Variants in SYCP1 observed in about 807,000 individuals in gnomAD.
SYCP1 encodes cancer/testis antigen 8.
In SYCP1, 64 loss-of-function variants were observed where a neutral mutation model predicts 153.1. The ratio of observed to expected loss-of-function variants is 0.42; its 90% CI spans 0.34 to 0.51. The LOEUF (loss-of-function observed/expected upper bound fraction) is 0.51. SYCP1 is among the 20% of genes least tolerant of loss of function. SYCP1 has a pLI of 0.06. For missense variants in SYCP1, 997 were observed against 1,049.0 expected, an observed-to-expected ratio of 0.95 and a Z score of 0.68; for synonymous variants, 384 against 341.8, an observed-to-expected ratio of 1.12 and a Z score of -1.36.
At position 114,857,338 on chromosome 1, in the gene SYCP1, C is replaced by T. The variant is rs184217949; in HGVS notation, c.237+63C>T. 2.8e-3 allele frequency: 4,378 copies of T among 1,552,736 alleles called. 8 individuals carry two copies. The highest frequency in any genetic ancestry group is 3.2e-3 in the Non-Finnish European group (3,696 of 1,142,066). Reference sequence around the variant, plus strand: ...AGGTAATGAACTGCTTATTTGAAGACGAAAAAAGTCTTTAGTTATTGCATT... The same window carrying T: ...AGGTAATGAACTGCTTATTTGAAGATGAAAAAAGTCTTTAGTTATTGCATT... On this transcript the variant is annotated intron_variant, in intron 4 of 31. Transcript: ENST00000369522.
intron 28 of SYCP1, 132 bp downstream of exon 28, chr1:114,977,748 T>C (rs2101935826): frequency 5.0e-6 from 3 of 594,300 alleles, no homozygotes; most frequent in East Asian, 3.6e-5. Context: ...TCTAAATTGT[T>C]TCTTGCTATT....
rs773931320 is a variant in SYCP1, at chr1:114,981,374, T to C, written c.2421T>C (p.Tyr807=). ...TTTTATTGGAAACACCTGAAATTTATTGGAAATTGGATTCTAAAGCAGTTC... is the reference window on the plus strand; with the variant it reads ...TTTTATTGGAAACACCTGAAATTTACTGGAAATTGGATTCTAAAGCAGTTC... ...QTFLLETPEI[Y]WKLDSKAVPS... is the part of the protein sequence containing the mutation. Residue 807 remains tyrosine, a synonymous_variant, in exon 29 of 32, where the codon TAT becomes TAC. Coordinates refer to ENST00000369522, the MANE Select transcript of SYCP1 (RefSeq NM_003176.4). The C allele has an allele frequency of 1.3e-5, 21 of 1,602,240 alleles. No individual in the cohort carries two copies. The highest frequency in any genetic ancestry group is 1.8e-5 in the Admixed American group (1 of 57,142).
At chr1:114,875,511 G>C (rs936468423) in intron 9 of SYCP1, among the ~76,000 whole-genome samples, 1 of 151,840 alleles carries the variant, frequency 6.6e-6, no homozygotes, top group African/African-American at 2.4e-5. Context: ...CGCCCGCCTC[G>C]GCCTCCCAAA....
intron 29 of SYCP1, among the ~76,000 whole-genome samples, chr1:114,983,820 A>G (rs1426939661): frequency 6.6e-6 from 1 of 151,984 alleles, no homozygotes. Context: ...TTTTACCAAT[A>G]TTTTTATGGC....
chr1:114,918,220 GT>G (rs1300399971), intron 20 of SYCP1, among the ~76,000 whole-genome samples: 1 of 151,948 alleles, frequency 6.6e-6, no homozygotes, highest in Non-Finnish European at 1.5e-5. Flanking sequence ...TGGATATCCA[GT>G]TTTCCCAGCA....
intron 8 of SYCP1, among the ~76,000 whole-genome samples, chr1:114,866,401 T>A (rs777209268): frequency 1.4e-4 from 21 of 152,182 alleles, no homozygotes; most frequent in Non-Finnish European, 2.8e-4. Flanking sequence ...TGATATCTCT[T>A]TGTTGTTCTA....
intron 16 of SYCP1, among the ~76,000 whole-genome samples, chr1:114,900,466 AG>A (rs1219309607): frequency 2.0e-5 from 3 of 152,116 alleles, no homozygotes; most frequent in Admixed American, 2.0e-4. Context: ...TTTTTTGTAG[AG>A]ATGGGATTTT....
At position 114,995,056 on chromosome 1, in the gene SYCP1, G is replaced by A. The variant is rs778347540; in HGVS notation, c.*37G>A. 37 of 1,530,348 alleles carry A rather than the reference G, an allele frequency of 2.4e-5. No individual in the cohort carries two copies. The highest frequency in any genetic ancestry group is 2.4e-4 in the Middle Eastern group (1 of 4,210). 94.8% of individuals were successfully genotyped at this position (1,530,348 alleles called of 1,614,324 possible). On this transcript the variant is annotated 3_prime_UTR_variant, in exon 32 of 32. Transcript: ENST00000369522. Reference sequence around the variant, plus strand: ...CAGTGTAGTTAAGGAGCCTAATAACGTGAAACTTATAGTTAATATTTTGTT... The same window carrying A: ...CAGTGTAGTTAAGGAGCCTAATAACATGAAACTTATAGTTAATATTTTGTT...
At chr1:114,878,277 A>G (rs1665679774) in intron 12 of SYCP1, 75 bp downstream of exon 12, 3 of 1,056,518 alleles carry the variant, frequency 2.8e-6, no homozygotes, top group African/African-American at 1.6e-5. Context: ...GACTTTCATT[A>G]CAAGTTTGTT....
At chr1:114,873,311 T>C (rs765053928) in intron 8 of SYCP1, among the ~76,000 whole-genome samples, 8 of 152,092 alleles carry the variant, frequency 5.3e-5, no homozygotes, top group Non-Finnish European at 1.0e-4. Flanking sequence ...AGACCTATGG[T>C]TAGGTCTCAG....
intron 23 of SYCP1, among the ~76,000 whole-genome samples, chr1:114,943,427 G>A (rs562617707): frequency 6.6e-6 from 1 of 151,762 alleles, no homozygotes; most frequent in Non-Finnish European, 1.5e-5. Context: ...TGAAAGAACT[G>A]TATTTTTACA....
intron 3 of SYCP1, 76 bp from the exon 4 acceptor site, chr1:114,857,156 A>AAAAAAAAAGAG: frequency 1.1e-6 from 1 of 919,340 alleles, no homozygotes; most frequent in Non-Finnish European, 1.5e-6. Flanking sequence ...AAAAAAAAAA[A>AAAAAAAAAGAG]AGAGAAAAAA....
chr1:114,943,230 G>A (rs544133616), intron 23 of SYCP1, among the ~76,000 whole-genome samples: 106 of 151,844 alleles, frequency 7.0e-4, no homozygotes, highest in Middle Eastern at 3.4e-3. Flanking sequence ...CCTATGACCC[G>A]GCAATTCCAA....
chr1:114,865,226 T>C (rs892264717), intron 8 of SYCP1, among the ~76,000 whole-genome samples: 5 of 152,194 alleles, frequency 3.3e-5, no homozygotes, highest in Non-Finnish European at 7.3e-5. Context: ...TCTGTGATTT[T>C]TTTTTTGCCA....
intron 8 of SYCP1, among the ~76,000 whole-genome samples, chr1:114,868,352 G>A (rs185621616): frequency 6.6e-6 from 1 of 152,190 alleles, no homozygotes; most frequent in Admixed American, 6.5e-5. Context: ...TGTTGCCCAG[G>A]CTAGTCTCAA....
intron 27 of SYCP1, among the ~76,000 whole-genome samples, chr1:114,976,917 C>T (rs75902511): frequency 0.03 from 4,527 of 151,804 alleles, 113 homozygotes; most frequent in Non-Finnish European, 0.041. Flanking sequence ...TTTTTACTTT[C>T]TAAGACCTCT....
Position 114,878,892 on chromosome 1 carries a change from T to A in SYCP1, c.910+690T>A, listed in dbSNP as rs1665723835. ...TCATATGGGAGCATGATGGAGAGAG[T>A]TACTAATTTTTCCCAGAGAGAGACC... On this transcript the variant is annotated intron_variant, in intron 12 of 31. Coordinates refer to ENST00000369522, the MANE Select transcript of SYCP1 (RefSeq NM_003176.4). Among the ~76,000 whole-genome samples, 4 of 152,252 alleles carry A rather than the reference T, an allele frequency of 2.6e-5. No homozygotes were observed. In the South Asian group the frequency reaches 8.3e-4, roughly 32 times the overall value.
Position 114,855,528 on chromosome 1 carries a change from G to A in SYCP1, c.64G>A (p.Ala22Thr). 1 of 1,611,344 alleles carries A rather than the reference G, an allele frequency of 6.2e-7. No individual in the cohort carries two copies. Among genetic ancestry groups the A allele is most frequent in the Non-Finnish European group, 8.5e-7 (1 of 1,178,558 alleles). Residue 22 changes from alanine to threonine, a missense_variant, in exon 2 of 32, where the codon GCG becomes ACG. Ala to Thr is a moderately conservative substitution (Grantham distance 58). Around this residue, in one of 2 missense-constraint regions of SYCP1, gnomAD observed 285 missense variants for 366.1 expected, o/e 0.78. Transcript: ENST00000369522. ...GAGATCAAGCAGCAGTCAGGTGTCT[G>A]CGGTGAAACCTCAGACCCTGGGAGG... ...PPRSSSSQVS[A>T]VKPQTLGGDS... is the part of the protein sequence containing the mutation.
rs17032964 is a variant in SYCP1 at position 114,910,352 on chromosome 1, A to T, written c.1321-45A>T. 164 of 1,326,068 alleles carry T rather than the reference A, an allele frequency of 1.2e-4. 2 individuals carry two copies. The East Asian group carries it at 4.0e-3, about 32-fold the overall frequency. 82.1% of individuals were successfully genotyped at this position (1,326,068 alleles called of 1,614,324 possible). On this transcript the variant is annotated intron_variant, in intron 16 of 31. Transcript: ENST00000369522. ...TTTGGGCAGTTTGATTACTTTCACT[A>T]TGTGTATGGTTTGGCATTCCTGATT...
Sources: gnomAD v4.1 joint callset for allele counts (sites outside exome capture counted in the v4.1 genomes callset) on GRCh38, gnomAD v4.1.1 for gene constraint, gnomAD v4.1.1 regional missense constraint, MANE v1.5 for transcripts, NCBI Gene and HGNC (gene_info 2026-07-23, HGNC 2026-07-21) for gene names.